The following ZNF385D variants were observed in gnomAD, a reference collection of about 807,000 sequenced individuals.
ZNF385D encodes the protein zinc finger protein 659.
Under a neutral mutation model 35.8 loss-of-function variants are expected in ZNF385D, and 15 were observed. The observed-to-expected ratio is 0.42, with a 90% CI of 0.28 to 0.64. ZNF385D has a LOEUF of 0.64. ZNF385D is among the 30% of genes least tolerant of loss of function. The pLI is 0.23. For missense variants in ZNF385D, 474 were observed against 494.6 expected, an observed-to-expected ratio of 0.96 and a Z score of 0.39; for synonymous variants, 212 against 186.8, an observed-to-expected ratio of 1.13 and a Z score of -1.10.
chr3:21,630,405 A>G (rs62237379), intron 2 of ZNF385D, among the ~76,000 whole-genome samples: 19,713 of 151,976 alleles, frequency 0.13, 1,433 homozygotes, highest in Admixed American at 0.15. Context: ...GGGTTTCTCC[A>G]TGTTGGTCAG....
intron 2 of ZNF385D, among the ~76,000 whole-genome samples, chr3:22,192,116 G>T (rs1696086467): frequency 6.6e-6 from 1 of 152,086 alleles, no homozygotes; most frequent in Admixed American, 6.6e-5. Flanking sequence ...TAACCTCAGG[G>T]TTTAGAAACA....
intron 3 of ZNF385D, among the ~76,000 whole-genome samples, chr3:21,991,644 C>T (rs1323751085): frequency 2.6e-5 from 4 of 152,128 alleles, no homozygotes; most frequent in African/African-American, 7.2e-5. Context: ...TATTATGGCA[C>T]GTCTTCAACA....
At chr3:22,148,791 A>C (rs973507932) in intron 3 of ZNF385D, among the ~76,000 whole-genome samples, 2 of 152,188 alleles carry the variant, frequency 1.3e-5, no homozygotes, top group Non-Finnish European at 2.9e-5. Context: ...AATGACCTTA[A>C]AACTTTAAGA....
intron 1 of ZNF385D, among the ~76,000 whole-genome samples, chr3:21,726,607 C>T (rs749647255): frequency 6.6e-5 from 10 of 152,048 alleles, no homozygotes; most frequent in East Asian, 1.9e-4. Flanking sequence ...CCTAGGAATA[C>T]GACTTACAAG....
chr3:22,283,985 C>A (rs1048778168), intron 2 of ZNF385D, among the ~76,000 whole-genome samples: 1 of 151,990 alleles, frequency 6.6e-6, no homozygotes, highest in Non-Finnish European at 1.5e-5. Context: ...TTATTGATGC[C>A]TTTTATGATG....
chr3:22,211,833 A>G (rs1697545937), intron 2 of ZNF385D, among the ~76,000 whole-genome samples: 1 of 151,920 alleles, frequency 6.6e-6, no homozygotes, highest in Admixed American at 6.6e-5. Context: ...TACCCGATAT[A>G]CTTCCAGTAA....
At chr3:21,594,337 CCCAGAAGCTGACTCT>C (rs2064068383) in intron 2 of ZNF385D, among the ~76,000 whole-genome samples, 1 of 152,078 alleles carries the variant, frequency 6.6e-6, no homozygotes. Flanking sequence ...GGTCTGACTC[CCCAGAAGCTGACTCT>C]GAGACAAAGA....
chr3:22,107,700 C>A (rs917901389), intron 3 of ZNF385D, among the ~76,000 whole-genome samples: 1 of 151,794 alleles, frequency 6.6e-6, no homozygotes, highest in Non-Finnish European at 1.5e-5. Context: ...TGATATATTT[C>A]CTTCTAGTCT....
At chr3:21,639,534 A>G (rs1045823282) in intron 2 of ZNF385D, among the ~76,000 whole-genome samples, 5 of 152,034 alleles carry the variant, frequency 3.3e-5, no homozygotes, top group Non-Finnish European at 7.4e-5. Context: ...TCAAACCATT[A>G]TTTTTTATGA....
chr3:22,100,518 G>C (rs957867181), intron 3 of ZNF385D, among the ~76,000 whole-genome samples: 1 of 152,050 alleles, frequency 6.6e-6, no homozygotes, highest in Non-Finnish European at 1.5e-5. Context: ...AAAAGGATGA[G>C]TTCATGACCT....
intron 3 of ZNF385D, among the ~76,000 whole-genome samples, chr3:22,071,765 T>C (rs1230223619): frequency 1.3e-5 from 2 of 152,072 alleles, no homozygotes; most frequent in Non-Finnish European, 2.9e-5. Context: ...CCAACAAGAT[T>C]AGTAAAAGGC....
chr3:21,799,293 T>C (rs1338845406), intron 3 of ZNF385D, among the ~76,000 whole-genome samples: 1 of 152,200 alleles, frequency 6.6e-6, no homozygotes, highest in Non-Finnish European at 1.5e-5. Flanking sequence ...TGTTTTCTTT[T>C]GGGGATCTAC....
intron 2 of ZNF385D, among the ~76,000 whole-genome samples, chr3:21,567,268 A>G (rs73819308): frequency 0.014 from 2,118 of 152,302 alleles, 49 homozygotes; most frequent in African/African-American, 0.048. Flanking sequence ...TCTCTTCCTT[A>G]GGTTGGGCCT....
At chr3:22,198,137 A>G (rs1176045420) in intron 2 of ZNF385D, among the ~76,000 whole-genome samples, 1 of 152,142 alleles carries the variant, frequency 6.6e-6, no homozygotes. Flanking sequence ...CTGTGTATAC[A>G]GTAATGCGGT....
chr3:21,783,323 C>G (rs1450901735), intron 3 of ZNF385D, among the ~76,000 whole-genome samples: 1 of 152,088 alleles, frequency 6.6e-6, no homozygotes, highest in Non-Finnish European at 1.5e-5. Context: ...AAATTGGGCT[C>G]TCCCAGGGAG....
intron 4 of ZNF385D, among the ~76,000 whole-genome samples, chr3:21,506,101 A>G (rs771732205): frequency 3.3e-5 from 5 of 152,118 alleles, no homozygotes; most frequent in Non-Finnish European, 7.4e-5. Flanking sequence ...ATGTTATATA[A>G]TTGCTGACTA....
intron 3 of ZNF385D, among the ~76,000 whole-genome samples, chr3:21,928,514 C>T (rs578250900): frequency 2.0e-5 from 3 of 152,108 alleles, no homozygotes; most frequent in African/African-American, 7.2e-5. Flanking sequence ...ACTGAGCAAC[C>T]GCAGAATGTA....
intron 3 of ZNF385D, among the ~76,000 whole-genome samples, chr3:22,145,397 T>G (rs1293419022): frequency 6.6e-6 from 1 of 152,244 alleles, no homozygotes; most frequent in Non-Finnish European, 1.5e-5. Flanking sequence ...AATGCAAGTT[T>G]CTTCTCTTTG....
chr3:22,131,626 GA>G (rs1703795967), intron 3 of ZNF385D, among the ~76,000 whole-genome samples: 1 of 152,146 alleles, frequency 6.6e-6, no homozygotes, highest in African/African-American at 2.4e-5. Flanking sequence ...AAGTGGAAGG[GA>G]AGGCCACTGC....
Sources: gnomAD v4.1 joint callset for allele counts (sites outside exome capture counted in the v4.1 genomes callset) on GRCh38, gnomAD v4.1.1 for gene constraint, MANE v1.5 for transcripts, NCBI Gene and HGNC (gene_info 2026-07-23, HGNC 2026-07-21) for gene names.